The following CLRN1 variants were observed in gnomAD, a reference collection of about 807,000 sequenced individuals.
The protein encoded by CLRN1 is clarin-1.
A neutral mutation model predicts 18.7 loss-of-function variants in CLRN1; 15 were observed. That is an observed-to-expected ratio of 0.80 (90% CI 0.54 to 1.23). The LOEUF is 1.23. Ranked by LOEUF, CLRN1 falls within the 50% of genes most tolerant of loss-of-function variation. CLRN1 has a pLI of 0.00. For synonymous variants in CLRN1, 104 were observed against 102.9 expected, an observed-to-expected ratio of 1.01 and a Z score of -0.07; for missense variants, 311 against 277.5, an observed-to-expected ratio of 1.12 and a Z score of -0.86.
chr3:150,940,618 A>G (rs1191299815), intron 2 of CLRN1: 1 of 1,160,962 alleles, frequency 8.6e-7, no homozygotes, highest in African/African-American at 1.5e-5. Context: ...AACCATCAAT[A>G]AAATTACTTG....
chr3:150,964,888 C>G (rs28613539), intron 1 of CLRN1, among the ~76,000 whole-genome samples: 1 of 115,310 alleles, frequency 8.7e-6, no homozygotes, highest in East Asian at 3.4e-4. Flanking sequence ...TATCACACAC[C>G]GGGGCTTGTC....
At position 150,952,049 on chromosome 3, in the gene CLRN1, AG is replaced by A. The variant is rs562581674; in HGVS notation, c.254-10289del. The stretch of plus-strand genomic sequence containing the variant: ...GTGGTAGTGTCAATGTGGATGTTAA[AG>A]GTCGCAGATGCTGACCTCCTGTTGT... On this transcript the variant is annotated intron_variant, in intron 1 of 2. Transcript: ENST00000327047. Among the ~76,000 whole-genome samples the A allele has an allele frequency of 2.9e-3, 437 of 152,286 alleles. 1 individual carries two copies. Among genetic ancestry groups the A allele is most frequent in the Non-Finnish European group, 5.6e-3 (383 of 68,022 alleles).
chr3:150,971,509 C>T (rs980783911), intron 1 of CLRN1, among the ~76,000 whole-genome samples: 11 of 151,768 alleles, frequency 7.2e-5, no homozygotes, highest in African/African-American at 2.7e-4. Flanking sequence ...TCTACCTATA[C>T]TAGAAAGAAA....
upstream of CLRN1, chr3:150,972,832 C>T (rs1464004048): frequency 1.5e-6 from 2 of 1,339,500 alleles, no homozygotes; most frequent in Middle Eastern, 2.4e-4. Context: ...GCTGAAAAGG[C>T]AACTTCACCA....
intron 1 of CLRN1, among the ~76,000 whole-genome samples, chr3:150,944,516 G>T (rs1714045510): frequency 1.3e-5 from 2 of 150,972 alleles, no homozygotes; most frequent in South Asian, 4.2e-4. Flanking sequence ...GAGGTTGTCA[G>T]ATTTGGGATA....
At chr3:150,967,856 G>A (rs1715340875) in intron 1 of CLRN1, among the ~76,000 whole-genome samples, 1 of 152,112 alleles carries the variant, frequency 6.6e-6, no homozygotes, top group Admixed American at 6.5e-5. Flanking sequence ...CCCAACATGT[G>A]TTTGAGAAGC....
At chr3:150,945,508 A>G in intron 1 of CLRN1, 2 of 1,286,004 alleles carry the variant, frequency 1.6e-6, no homozygotes, top group South Asian at 1.2e-5. Context: ...GATGTAATTA[A>G]CTAACTACAT....
chr3:150,936,232 G>A (rs183890179), intron 2 of CLRN1, among the ~76,000 whole-genome samples: 1 of 152,052 alleles, frequency 6.6e-6, no homozygotes, highest in African/African-American at 2.4e-5. Context: ...TTATCTATGT[G>A]CATTCTCTCC....
intron 1 of CLRN1, among the ~76,000 whole-genome samples, chr3:150,959,000 A>G (rs1057379330): frequency 5.9e-5 from 9 of 152,236 alleles, no homozygotes; most frequent in Non-Finnish European, 8.8e-5. Flanking sequence ...CCAATCTCCA[A>G]AAAATATGAA....
rs1415915878 is a variant in CLRN1, at chr3:150,927,337, T to C, written c.*599A>G. On this transcript the variant is annotated 3_prime_UTR_variant, in exon 3 of 3. Coordinates refer to ENST00000327047, the MANE Select transcript of CLRN1 (RefSeq NM_174878.3). ...CAGGGTCTCACTTTATTGCCCAGGC[T>C]GTAACTCGAACTCCTGAACTCAAAT... The C allele has an allele frequency of 2.4e-6, 1 of 414,968 alleles. No homozygotes were observed. The highest frequency in any genetic ancestry group is 4.7e-6 in the Non-Finnish European group (1 of 212,310). The allele number at this position is 414,968 out of a possible 1,614,324, so 25.7% of individuals were successfully genotyped here.
chr3:150,936,037 G>A (rs1334800767), intron 2 of CLRN1, among the ~76,000 whole-genome samples: 1 of 151,960 alleles, frequency 6.6e-6, no homozygotes, highest in African/African-American at 2.4e-5. Flanking sequence ...TGTAGATTCT[G>A]GATATTAGCC....
rs7616719 is a variant in CLRN1, at chr3:150,940,586, A to G, written c.433+996T>C. On this transcript the variant is annotated intron_variant, in intron 2 of 2. Transcript: ENST00000327047. ...CATTGTTTGCTTTGTGTGAGTTGTT[A>G]TCGTTCTGTATCCCTCCATGAAACC... 7.2e-3 allele frequency: 9,944 copies of G among 1,389,640 alleles called. 48 individuals carry two copies. Among genetic ancestry groups the G allele is most frequent in the Middle Eastern group, 0.01 (58 of 5,660 alleles). 86.1% of individuals were successfully genotyped at this position (1,389,640 alleles called of 1,614,324 possible).
chr3:150,938,009 G>A (rs905251673), intron 2 of CLRN1, among the ~76,000 whole-genome samples: 24 of 152,104 alleles, frequency 1.6e-4, no homozygotes, highest in African/African-American at 5.8e-4. Flanking sequence ...ACATGCCCCA[G>A]GATGCCAAGT....
chr3:150,926,755 A>G lies in CLRN1; in HGVS notation c.*1181T>C, dbSNP rs775798558. On this transcript the variant is annotated 3_prime_UTR_variant, in exon 3 of 3. Transcript: ENST00000327047. ...TGCTGAGTACTCAGCACCTGTGGTC[A>G]GAGGCCTAGTGATCTGTTTGCTGTC... is the stretch of plus-strand genomic sequence containing the variant. The G allele has an allele frequency of 9.4e-5, 150 of 1,603,790 alleles. No homozygotes were observed. Among genetic ancestry groups the G allele is most frequent in the Non-Finnish European group, 1.2e-4 (141 of 1,171,540 alleles).
In CLRN1 at chr3:150,927,185, A is replaced by G. The variant is rs1485816401; in HGVS notation, c.*751T>C. The stretch of plus-strand genomic sequence containing the variant: ...CAGGCACGGGAGGAAAAATACCCTA[A>G]GCTTGGTTTTTTCTTCTTTTCTTCT... On this transcript the variant is annotated 3_prime_UTR_variant, in exon 3 of 3. Transcript: ENST00000327047. 15 of 581,334 alleles carry G rather than the reference A, an allele frequency of 2.6e-5. No homozygotes were observed. In the Admixed American group the frequency reaches 3.2e-4, roughly 13 times the overall value. 36.0% of individuals were successfully genotyped at this position (581,334 alleles called of 1,614,324 possible).
intron 1 of CLRN1, among the ~76,000 whole-genome samples, chr3:150,950,382 A>G (rs545712723): frequency 1.3e-5 from 2 of 152,356 alleles, no homozygotes; most frequent in Non-Finnish European, 2.9e-5. Flanking sequence ...GACAACCTAC[A>G]GAATGGGAGA....
intron 1 of CLRN1, among the ~76,000 whole-genome samples, chr3:150,952,515 G>A (rs1322234025): frequency 1.3e-5 from 2 of 152,154 alleles, no homozygotes; most frequent in African/African-American, 4.8e-5. Context: ...AACTTATGAC[G>A]GGTTTATCGG....
rs1559988648 is a variant in CLRN1 at position 150,954,586 on chromosome 3, T to G, written c.254-12825A>C. Among the ~76,000 whole-genome samples the G allele has an allele frequency of 2.0e-5, 3 of 152,374 alleles. No homozygotes were observed. In the South Asian group the frequency reaches 6.2e-4, roughly 32 times the overall value. On this transcript the variant is annotated intron_variant, in intron 1 of 2. Coordinates refer to ENST00000327047, the MANE Select transcript of CLRN1 (RefSeq NM_174878.3). The stretch of plus-strand genomic sequence containing the variant: ...GCTTGTATTTTCATTCTCTTATCAG[T>G]GTCTTTTGAAGAGTAGTTCTTATTT...
intron 2 of CLRN1, among the ~76,000 whole-genome samples, chr3:150,939,296 C>A (rs1443860539): frequency 6.6e-6 from 1 of 152,184 alleles, no homozygotes; most frequent in African/African-American, 2.4e-5. Context: ...CACCCAGAAA[C>A]CCCTCATGGT....
Sources: gnomAD v4.1 joint callset for allele counts (sites outside exome capture counted in the v4.1 genomes callset) on GRCh38, gnomAD v4.1.1 for gene constraint, MANE v1.5 for transcripts, NCBI Gene and HGNC (gene_info 2026-07-23, HGNC 2026-07-21) for gene names.